Variants in PIGU observed in about 807,000 individuals in gnomAD.
PIGU encodes phosphatidylinositol glycan anchor biosynthesis class U.
Under a neutral mutation model 49.9 loss-of-function variants are expected in PIGU, and 24 were observed. The ratio of observed to expected loss-of-function variants is 0.48; its 90% confidence interval spans 0.35 to 0.68. The LOEUF is 0.68. Among genes scored for constraint, PIGU ranks in the 30% least tolerant of loss-of-function variants. PIGU has a pLI of 0.01. For missense variants in PIGU, 490 were observed against 532.6 expected, an observed-to-expected ratio of 0.92 and a Z score of 0.79; for synonymous variants, 220 against 205.7, an observed-to-expected ratio of 1.07 and a Z score of -0.59.
At chr20:34,658,601 C>T (rs1986794241) in intron 1 of PIGU, among the ~76,000 whole-genome samples, 1 of 151,642 alleles carries the variant, frequency 6.6e-6, no homozygotes, top group African/African-American at 2.4e-5. Flanking sequence ...GCCTCTGCCC[C>T]ACCGCCCCGT....
intron 7 of PIGU, 77 bp downstream of exon 7, chr20:34,615,965 C>T: frequency 6.6e-7 from 1 of 1,506,910 alleles, no homozygotes; most frequent in East Asian, 2.5e-5. Context: ...AACCCGTGCC[C>T]TTCCTTTCCC....
At chr20:34,643,641 A>G (rs887417316) in intron 4 of PIGU, 2 of 152,468 alleles carry the variant, frequency 1.3e-5, no homozygotes, top group African/African-American at 4.8e-5. Context: ...CTTGGCTATT[A>G]CATATGGATT....
chr20:34,655,459 C>G (rs1269799123), intron 2 of PIGU, among the ~76,000 whole-genome samples: 2 of 121,362 alleles, frequency 1.6e-5, no homozygotes, highest in African/African-American at 6.1e-5. Context: ...ATCACGAAGT[C>G]AGGAGTTTGA....
At chr20:34,643,215 T>C (rs902659322) in intron 4 of PIGU, among the ~76,000 whole-genome samples, 4 of 152,146 alleles carry the variant, frequency 2.6e-5, no homozygotes, top group Non-Finnish European at 4.4e-5. Context: ...ATAACAGCTA[T>C]GAACTCTTGG....
chr20:34,589,328 A>G (rs552072975), intron 7 of PIGU, among the ~76,000 whole-genome samples: 1 of 152,296 alleles, frequency 6.6e-6, no homozygotes, highest in East Asian at 1.9e-4. Context: ...AAAAACGCCA[A>G]ATTTGGGTTA....
intron 6 of PIGU, among the ~76,000 whole-genome samples, chr20:34,633,907 C>G (rs1047189678): frequency 6.6e-6 from 1 of 151,884 alleles, no homozygotes; most frequent in African/African-American, 2.4e-5. Context: ...GATGGGAGTG[C>G]AACAAATAAT....
At chr20:34,583,095 A>C (rs1983552785) in intron 9 of PIGU, among the ~76,000 whole-genome samples, 1 of 152,246 alleles carries the variant, frequency 6.6e-6, no homozygotes, top group Admixed American at 6.5e-5. Context: ...TATGAATCTG[A>C]GATGTGCAGA....
intron 6 of PIGU, among the ~76,000 whole-genome samples, chr20:34,634,198 A>C (rs964660408): frequency 6.6e-6 from 1 of 152,072 alleles, no homozygotes; most frequent in African/African-American, 2.4e-5. Context: ...CAGCCTCCCA[A>C]GTAGTTGGGA....
intron 11 of PIGU, among the ~76,000 whole-genome samples, chr20:34,567,343 T>G (rs190244236): frequency 9.8e-5 from 15 of 152,286 alleles, no homozygotes; most frequent in African/African-American, 3.6e-4. Flanking sequence ...AAGTAACAAG[T>G]GAAATCTCTG....
In PIGU at chr20:34,566,550, G is replaced by A. The variant is rs1164481474; in HGVS notation, c.1195-5571C>T. The stretch of plus-strand genomic sequence containing the variant: ...TCAGAACATGCTCTAGTGCAGGGCA[G>A]GATGGAGAGACAGGGAAATGAATAT... On this transcript the variant is annotated intron_variant, in intron 11 of 11. Transcript: ENST00000217446. Among the ~76,000 whole-genome samples the A allele has an allele frequency of 2.0e-5, 3 of 152,204 alleles. No individual in the cohort carries two copies. The East Asian group carries it at 5.8e-4, about 29-fold the overall frequency.
intron 4 of PIGU, among the ~76,000 whole-genome samples, chr20:34,641,486 A>G (rs189137574): frequency 4.2e-4 from 64 of 152,314 alleles, no homozygotes; most frequent in Middle Eastern, 3.4e-3. Flanking sequence ...GCACCATCTC[A>G]GCAAAGGACA....
chr20:34,573,701 A>G (rs925526249), intron 11 of PIGU, among the ~76,000 whole-genome samples: 4 of 152,236 alleles, frequency 2.6e-5, no homozygotes, highest in Non-Finnish European at 4.4e-5. Flanking sequence ...AACCTTCTGG[A>G]TTCCTTCAGG....
rs777182981 is a variant in PIGU at position 34,616,128 on chromosome 20, G to A, written c.541C>T (p.Leu181Phe). ...ILTTIKGSAFLSAIFLALATY... is the reference protein window; with the variant it reads ...ILTTIKGSAFFSAIFLALATY... ...GCTAAGGCAAGAAAAATAGCACTGA[G>A]GAAAGCACTGCCTGTAAAAAGAAAG... Residue 181 changes from leucine (L) to phenylalanine (F), a missense_variant, in exon 7 of 12, where the codon CTC (leucine) becomes TTC (phenylalanine). By Grantham distance (22) the Leu-to-Phe change is conservative. Transcript: ENST00000217446. The A allele has an allele frequency of 6.8e-6, 11 of 1,612,344 alleles. No individual in the cohort carries two copies. The highest frequency in any genetic ancestry group is 9.3e-6 in the Non-Finnish European group (11 of 1,179,366).
At chr20:34,648,777 G>A (rs1986437469) in intron 2 of PIGU, among the ~76,000 whole-genome samples, 1 of 151,854 alleles carries the variant, frequency 6.6e-6, no homozygotes, top group African/African-American at 2.4e-5. Flanking sequence ...TTGAACTCCT[G>A]GGCTCAAGCA....
intron 6 of PIGU, among the ~76,000 whole-genome samples, chr20:34,632,989 A>G (rs1985838505): frequency 6.6e-6 from 1 of 152,212 alleles, no homozygotes; most frequent in Non-Finnish European, 1.5e-5. Context: ...GGAATAAAAC[A>G]GTGATTGGCA....
chr20:34,573,590 C>T (rs1250341244), intron 11 of PIGU, among the ~76,000 whole-genome samples: 1 of 152,258 alleles, frequency 6.6e-6, no homozygotes, highest in Non-Finnish European at 1.5e-5. Flanking sequence ...GCTTGCCAAC[C>T]TCCCTAGAGG....
At chr20:34,666,255 G>A (rs971613222) in intron 1 of PIGU, among the ~76,000 whole-genome samples, 59 of 152,030 alleles carry the variant, frequency 3.9e-4, no homozygotes, top group South Asian at 2.1e-4. Flanking sequence ...GCCTATTAGG[G>A]GGAAAAAACA....
intron 1 of PIGU, among the ~76,000 whole-genome samples, chr20:34,660,741 G>A (rs546028174): frequency 1.8e-3 from 278 of 152,280 alleles, no homozygotes; most frequent in African/African-American, 6.3e-3. Context: ...TTAAAAAATT[G>A]TAAATGTTAA....
chr20:34,622,420 G>A (rs1187968598), intron 6 of PIGU, among the ~76,000 whole-genome samples: 1 of 152,054 alleles, frequency 6.6e-6, no homozygotes, highest in East Asian at 1.9e-4. Context: ...GGGAGGCTGA[G>A]GCAGGAGAAT....
Sources: allele counts gnomAD v4.1 joint callset (sites outside exome capture counted in the v4.1 genomes callset), GRCh38; gene constraint gnomAD v4.1.1; transcripts MANE v1.5; gene names NCBI Gene and HGNC (gene_info 2026-07-23, HGNC 2026-07-21).